Variants in TUBGCP3 observed in about 807,000 individuals in gnomAD.
The protein encoded by TUBGCP3 is gamma-tubulin complex component 3.
In TUBGCP3, 50 loss-of-function variants were observed where a neutral mutation model predicts 123.1. The ratio of observed to expected loss-of-function variants is 0.41; its 90% confidence interval spans 0.32 to 0.51. The LOEUF (loss-of-function observed/expected upper bound fraction) is 0.51, where lower values mean the gene tolerates loss of function less well. Ranked by LOEUF, TUBGCP3 falls within the 20% of genes least tolerant of loss-of-function variation. The pLI is 0.36. For synonymous variants in TUBGCP3, 405 were observed against 413.9 expected (o/e 0.98, Z 0.26); for missense variants, 882 against 1,127.0 (o/e 0.78, Z 3.11).
At chr13:112,591,184 T>G (rs553933221), upstream of TUBGCP3, among the ~76,000 whole-genome samples, 1 of 152,286 alleles carries the variant, frequency 6.6e-6, no homozygotes, top group African/African-American at 2.4e-5. Context: ...AACCAACCCT[T>G]GTGCCACTAA....
intron 11 of TUBGCP3, among the ~76,000 whole-genome samples, chr13:112,535,835 T>C (rs1878000427): frequency 6.6e-6 from 1 of 152,234 alleles, no homozygotes; most frequent in Non-Finnish European, 1.5e-5. Context: ...TCTAAGAAAC[T>C]GCTGCCAAAT....
chr13:112,548,207 G>A lies in TUBGCP3; in HGVS notation c.967-31C>T, dbSNP rs777189246. On this transcript the variant is annotated intron_variant, in intron 8 of 21. Coordinates refer to ENST00000261965, the MANE Select transcript of TUBGCP3 (RefSeq NM_006322.6). ...TGGAGGAGAAATATAATTAAAGCAC[G>A]ACACACTCATTACACATTGACTGAT... The A allele has an allele frequency of 5.2e-5, 81 of 1,547,830 alleles. No individual in the cohort carries two copies. In the East Asian group the frequency reaches 9.9e-4, roughly 19 times the overall value.
Position 112,502,410 on chromosome 13 carries a change from C to G in TUBGCP3, c.2307+1622G>C, listed in dbSNP as rs185574891. Among the ~76,000 whole-genome samples, 9 of 152,298 alleles carry G rather than the reference C, an allele frequency of 5.9e-5. No homozygotes were observed. In the East Asian group the frequency reaches 1.7e-3, roughly 29 times the overall value. ...CTAAACGTGTGCGGACAATGCTTGT[C>G]GGCATCTGCTGAATACAGAGAGGCA... On this transcript the variant is annotated intron_variant, in intron 19 of 21. Transcript: ENST00000261965.
In TUBGCP3 at chr13:112,516,765, T is replaced by G. The variant is rs543016998; in HGVS notation, c.1951-190A>C. 4.7e-4 allele frequency among the ~76,000 whole-genome samples: 71 copies of G among 152,288 alleles called. No individual in the cohort carries two copies. In the South Asian group the frequency reaches 0.014, roughly 29 times the overall value. ...TACAGATGGGGAAACAGAGGCCTAA[T>G]GTTACACAGCTTGCAGTTTATTAGG... On this transcript the variant is annotated intron_variant, in intron 16 of 21. Coordinates refer to ENST00000261965, the MANE Select transcript of TUBGCP3 (RefSeq NM_006322.6).
chr13:112,554,763 A>T (rs576275873), intron 7 of TUBGCP3, 124 bp downstream of exon 7: 4 of 652,978 alleles, frequency 6.1e-6, no homozygotes, highest in African/African-American at 5.5e-5. Flanking sequence ...TCCACAGTGC[A>T]ATTTCACCTC....
intron 5 of TUBGCP3, 97 bp downstream of exon 5, chr13:112,558,099 A>G: frequency 7.3e-7 from 1 of 1,362,094 alleles, no homozygotes; most frequent in Non-Finnish European, 9.9e-7. Context: ...ATGAGGCCCC[A>G]CTGATACTGT....
chr13:112,551,321 G>C (rs184377458), intron 8 of TUBGCP3, among the ~76,000 whole-genome samples: 11 of 152,360 alleles, frequency 7.2e-5, no homozygotes, highest in African/African-American at 2.4e-4. Flanking sequence ...AAATGCACAT[G>C]TAAGTTTCAC....
At chr13:112,588,228 T>C, upstream of TUBGCP3, 1 of 357,320 alleles carries the variant, frequency 2.8e-6, no homozygotes, top group Non-Finnish European at 5.0e-6. Context: ...TTCCCGGCCC[T>C]GTCTGGTGCA....
chr13:112,496,917 C>T (rs1183399938), intron 20 of TUBGCP3, among the ~76,000 whole-genome samples: 3 of 150,164 alleles, frequency 2.0e-5, no homozygotes, highest in South Asian at 2.1e-4. Flanking sequence ...ACCCAGGAGG[C>T]GGAGCCTGCA....
chr13:112,506,288 G>A lies in TUBGCP3; in HGVS notation c.2087-1574C>T, dbSNP rs1487218196. Among the ~76,000 whole-genome samples, 4 of 152,142 alleles carry A rather than the reference G, an allele frequency of 2.6e-5. No homozygotes were observed. In the East Asian group the frequency reaches 5.8e-4, roughly 22 times the overall value. ...GGGCCCTCGTCCACATCCATGCACCGCCCAGCGACTCGCAAGGGAGCACAC... is the reference window on the plus strand; with the variant it reads ...GGGCCCTCGTCCACATCCATGCACCACCCAGCGACTCGCAAGGGAGCACAC... On this transcript the variant is annotated intron_variant, in intron 17 of 21. Coordinates refer to ENST00000261965, the MANE Select transcript of TUBGCP3 (RefSeq NM_006322.6).
intron 8 of TUBGCP3, among the ~76,000 whole-genome samples, chr13:112,549,378 A>C (rs991302025): frequency 6.6e-6 from 1 of 152,084 alleles, no homozygotes; most frequent in African/African-American, 2.4e-5. Context: ...AGATTTACCT[A>C]ATGTAAATGA....
chr13:112,552,212 A>G (rs1879647185), intron 8 of TUBGCP3, among the ~76,000 whole-genome samples: 1 of 152,214 alleles, frequency 6.6e-6, no homozygotes, highest in African/African-American at 2.4e-5. Context: ...CCTGGAATAA[A>G]ATATCTACAT....
At position 112,488,467 on chromosome 13, in the gene TUBGCP3, G is replaced by A. The variant is rs538172498; in HGVS notation, c.2565+1114C>T. On this transcript the variant is annotated intron_variant, in intron 21 of 21. Coordinates refer to ENST00000261965, the MANE Select transcript of TUBGCP3 (RefSeq NM_006322.6). ...TTCCGGGGTCTACACCATGTCTGCT[G>A]GCTGCCGGCCCCTCACCCAGGCTGG... Among the ~76,000 whole-genome samples the A allele has an allele frequency of 4.6e-5, 7 of 152,336 alleles. No individual in the cohort carries two copies. In the East Asian group the frequency reaches 1.3e-3, roughly 29 times the overall value.
chr13:112,497,104 G>A (rs1880581162), intron 20 of TUBGCP3, among the ~76,000 whole-genome samples: 1 of 152,164 alleles, frequency 6.6e-6, no homozygotes, highest in South Asian at 2.1e-4. Flanking sequence ...TGGCCAGCAT[G>A]CACTTGAATG....
chr13:112,543,167 C>T (rs1415540887), intron 11 of TUBGCP3, among the ~76,000 whole-genome samples: 2 of 152,012 alleles, frequency 1.3e-5, no homozygotes, highest in African/African-American at 4.8e-5. Context: ...AAGAGTGTGG[C>T]GGTCCATGCA....
At position 112,554,088 on chromosome 13, in the gene TUBGCP3, C is replaced by G; in HGVS notation, c.935G>C (p.Ser312Thr). The change falls in exon 8 of 22, where the codon AGC becomes ACC. Residue 312 changes from serine (S) to threonine (T), a missense_variant. By Grantham distance (58) the Ser-to-Thr change is moderately conservative (BLOSUM62 1). Around this residue, in one of 3 missense-constraint regions of TUBGCP3, gnomAD observed 713 missense variants for 874.0 expected, o/e 0.82. Transcript: ENST00000261965. ...GACGAGTCCGAATGAGCGGTCCAGG[C>G]TCCTCTGGTCCGTGTATCTTCTGAT... ...NKIRRYTDQR[S>T]LDRSFGLVGQ... 1 of 1,614,128 alleles carries G rather than the reference C, an allele frequency of 6.2e-7. No homozygotes were observed. Among genetic ancestry groups the G allele is most frequent in the South Asian group, 1.1e-5 (1 of 91,056 alleles).
At position 112,524,644 on chromosome 13, in the gene TUBGCP3, T is replaced by C. The variant is rs551592167; in HGVS notation, c.1556-2135A>G. Among the ~76,000 whole-genome samples the C allele has an allele frequency of 2.6e-5, 4 of 152,196 alleles. No individual in the cohort carries two copies. The highest frequency in any genetic ancestry group is 7.2e-5 in the African/African-American group (3 of 41,542). Reference sequence around the variant, plus strand: ...ATGTACCCCCCCACAAAAAAATACATGTAAAATTATGTCTGAATGCTTTAG... The same window carrying C: ...ATGTACCCCCCCACAAAAAAATACACGTAAAATTATGTCTGAATGCTTTAG... On this transcript the variant is annotated intron_variant, in intron 13 of 21. Coordinates refer to ENST00000261965, the MANE Select transcript of TUBGCP3 (RefSeq NM_006322.6). This position sits in a 1 kb window ranked among gnomAD's most constrained non-coding sequence, Gnocchi z 4.4.
chr13:112,579,208 A>T (rs1882090366), intron 1 of TUBGCP3, among the ~76,000 whole-genome samples: 1 of 152,254 alleles, frequency 6.6e-6, no homozygotes, highest in African/African-American at 2.4e-5. Context: ...AATTAAAATT[A>T]AAACCACACT....
At chr13:112,551,106 A>C (rs1879545917) in intron 8 of TUBGCP3, among the ~76,000 whole-genome samples, 4 of 152,206 alleles carry the variant, frequency 2.6e-5, no homozygotes, top group African/African-American at 7.2e-5. Flanking sequence ...CGTCTCAAAA[A>C]AAAAACAAAA....
Sources: gnomAD v4.1 joint callset for allele counts (sites outside exome capture counted in the v4.1 genomes callset) on GRCh38, gnomAD v4.1.1 for gene constraint, gnomAD v4.1.1 regional missense constraint, Gnocchi (gnomAD v3.1) non-coding constraint, MANE v1.5 for transcripts, NCBI Gene and HGNC (gene_info 2026-07-23, HGNC 2026-07-21) for gene names.